The following ACAD10 variants were observed in gnomAD, a reference collection of about 807,000 sequenced individuals.
The protein encoded by ACAD10 is ACAD-10.
Under a neutral mutation model 116.8 loss-of-function variants are expected in ACAD10, and 112 were observed. The ratio of observed to expected loss-of-function variants is 0.96; its 90% CI spans 0.82 to 1.12. The LOEUF (loss-of-function observed/expected upper bound fraction) is 1.12. ACAD10 is among the 50% of genes most tolerant of loss of function. ACAD10 has a pLI of 0.00. For missense variants in ACAD10, 1,259 were observed against 1,350.2 expected (o/e 0.93, Z 1.06); for synonymous variants, 486 against 510.6 (o/e 0.95, Z 0.65).
intron 2 of ACAD10, among the ~76,000 whole-genome samples, chr12:111,700,498 T>C (rs914279375): frequency 6.6e-6 from 1 of 152,196 alleles, no homozygotes; most frequent in Non-Finnish European, 1.5e-5. Context: ...AATTGCTGTC[T>C]GCAGAGGTTG....
chr12:111,740,650 A>G (rs1282904702), intron 12 of ACAD10, among the ~76,000 whole-genome samples: 2 of 150,658 alleles, frequency 1.3e-5, no homozygotes, highest in East Asian at 3.9e-4. Flanking sequence ...CCCAGCTACT[A>G]GGTGTCTGTA....
At chr12:111,740,227 G>A (rs1242020796) in intron 12 of ACAD10, among the ~76,000 whole-genome samples, 1 of 152,188 alleles carries the variant, frequency 6.6e-6, no homozygotes, top group Non-Finnish European at 1.5e-5. Context: ...ACACTGGGAG[G>A]CCGAAGTAGG....
intron 7 of ACAD10, among the ~76,000 whole-genome samples, chr12:111,718,599 C>T (rs1888918962): frequency 6.6e-6 from 1 of 152,096 alleles, no homozygotes; most frequent in African/African-American, 2.4e-5. Context: ...CCTGTCTCAG[C>T]CTCCTGAGTA....
chr12:111,756,557 G>A lies in ACAD10; in HGVS notation c.*84G>A, dbSNP rs1384859400. The stretch of plus-strand genomic sequence containing the variant: ...ACTGATGTGCCTCGAAAGATCCGGT[G>A]TTTGTGGCTCCTGCACCCTGCTCAG... On this transcript the variant is annotated 3_prime_UTR_variant, in exon 21 of 21. Transcript: ENST00000313698. 1 of 1,561,052 alleles carries A rather than the reference G, an allele frequency of 6.4e-7. No individual in the cohort carries two copies. Among genetic ancestry groups the A allele is most frequent in the Admixed American group, 2.0e-5 (1 of 51,072 alleles).
rs1410898351 is a variant in ACAD10 at position 111,744,637 on chromosome 12, G to T, written c.1715-6G>T. On this transcript the variant is annotated splice_polypyrimidine_tract_variant and splice_region_variant and intron_variant, in intron 12 of 20. Transcript: ENST00000313698. ...GTAATCACTGTTTTTCTTTGATTCT[G>T]CTTAGGGCAAGCAAGCTCCACATAT... 1 of 1,608,592 alleles carries T rather than the reference G, an allele frequency of 6.2e-7. No individual in the cohort carries two copies. Among genetic ancestry groups the T allele is most frequent in the African/African-American group, 1.3e-5 (1 of 74,910 alleles).
intron 7 of ACAD10, 94 bp downstream of exon 7, chr12:111,716,056 C>G: frequency 6.6e-7 from 1 of 1,515,978 alleles, no homozygotes. Flanking sequence ...CATAAAAATA[C>G]CCCAAGACAT....
chr12:111,743,833 G>T (rs956688273), intron 12 of ACAD10, among the ~76,000 whole-genome samples: 2 of 151,994 alleles, frequency 1.3e-5, no homozygotes, highest in Non-Finnish European at 2.9e-5. Flanking sequence ...TGCAACCTCT[G>T]CCTCCCAGGT....
intron 6 of ACAD10, among the ~76,000 whole-genome samples, chr12:111,713,935 C>T (rs898191435): frequency 1.3e-5 from 2 of 150,072 alleles, no homozygotes; most frequent in South Asian, 2.1e-4. Context: ...TCCGTCCCCC[C>T]CCCAAAAAAA....
chr12:111,720,098 A>G (rs1289653084), intron 7 of ACAD10, among the ~76,000 whole-genome samples: 1 of 151,908 alleles, frequency 6.6e-6, no homozygotes, highest in Non-Finnish European at 1.5e-5. Context: ...TCCTGACCTC[A>G]GGTGATCCGC....
At chr12:111,700,773 T>A (rs1214250683) in intron 2 of ACAD10, among the ~76,000 whole-genome samples, 9 of 146,714 alleles carry the variant, frequency 6.1e-5, no homozygotes, top group African/African-American at 1.8e-4. Context: ...TTTTTTTTTT[T>A]AAGACATGGG....
chr12:111,702,483 C>A (rs1465757886), intron 3 of ACAD10, among the ~76,000 whole-genome samples, 173 bp downstream of exon 3: 1 of 152,170 alleles, frequency 6.6e-6, no homozygotes, highest in Non-Finnish European at 1.5e-5. Context: ...ATAATCCCAG[C>A]ACTTTGGGAG....
At position 111,692,807 on chromosome 12, in the gene ACAD10, G is replaced by T. The variant is rs148204415; in HGVS notation, c.98G>T (p.Arg33Leu). 2 of 1,614,092 alleles carry T rather than the reference G, an allele frequency of 1.2e-6. No homozygotes were observed. The highest frequency in any genetic ancestry group is 1.3e-5 in the African/African-American group (1 of 74,940). Reference sequence around the variant, plus strand: ...CAGCGCAGGCACCAGGGGTCCCACCGATGGACACACCTTGGAGGCAGCACC... The same window carrying T: ...CAGCGCAGGCACCAGGGGTCCCACCTATGGACACACCTTGGAGGCAGCACC... ...HTQRRHQGSH[R>L]WTHLGGSTYR... Residue 33 changes from arginine (R) to leucine (L), a missense_variant, in exon 2 of 21, where the codon CGA (arginine) becomes CTA (leucine). Physicochemically the swap from Arg to Leu is moderately radical, Grantham distance 102. Transcript: ENST00000313698.
At chr12:111,721,612 T>G (rs1247871020) in intron 7 of ACAD10, 59 bp from the exon 8 acceptor site, 1 of 1,437,466 alleles carries the variant, frequency 7.0e-7, no homozygotes, top group East Asian at 2.3e-5. Context: ...GAAAAGTAAC[T>G]TCAAGAAAAT....
At chr12:111,692,096 G>C (rs1250819647) in intron 1 of ACAD10, among the ~76,000 whole-genome samples, 1 of 152,176 alleles carries the variant, frequency 6.6e-6, no homozygotes, top group East Asian at 1.9e-4. Flanking sequence ...AGCCTCCTGA[G>C]TAGCTGGGAT....
intron 7 of ACAD10, among the ~76,000 whole-genome samples, chr12:111,721,236 G>C (rs866208295): frequency 1.3e-5 from 2 of 151,854 alleles, no homozygotes; most frequent in South Asian, 2.1e-4. Context: ...ATATTTTTTA[G>C]AATTTCATTT....
intron 17 of ACAD10, 118 bp from the exon 18 acceptor site, chr12:111,749,055 A>T (rs1479180072): frequency 1.2e-6 from 2 of 1,613,124 alleles, no homozygotes; most frequent in African/African-American, 2.7e-5. Context: ...TCCCAGTAAG[A>T]AGGCTAAATA....
chr12:111,734,677 A>C (rs985220738), intron 11 of ACAD10, among the ~76,000 whole-genome samples: 15 of 152,212 alleles, frequency 9.9e-5, no homozygotes, highest in Non-Finnish European at 2.1e-4. Context: ...GCCAACAGAT[A>C]GCAACAACAA....
intron 8 of ACAD10, among the ~76,000 whole-genome samples, chr12:111,724,365 C>T (rs1395098791): frequency 6.6e-6 from 1 of 151,964 alleles, no homozygotes; most frequent in Non-Finnish European, 1.5e-5. Context: ...AGACGATGGG[C>T]AGCCAGGCAG....
chr12:111,746,248 G>T lies in ACAD10; in HGVS notation c.2220G>T (p.Leu740=). 6.2e-7 allele frequency: 1 copy of T among 1,613,852 alleles called. No individual in the cohort carries two copies. Among genetic ancestry groups the T allele is most frequent in the Non-Finnish European group, 8.5e-7 (1 of 1,179,908 alleles). Residue 740 remains leucine, a synonymous_variant, in exon 14 of 21, where the codon CTG becomes CTT. Coordinates refer to ENST00000313698, the MANE Select transcript of ACAD10 (RefSeq NM_025247.6). ...AGLTNVEYAH[L]CELMGTSLYA... is the part of the protein sequence containing the mutation. ...TGACCAATGTGGAATATGCACATCT[G>T]TGTGAGCTCATGGGCACGTCCCTGT... is the stretch of plus-strand genomic sequence containing the variant.
Sources: allele counts gnomAD v4.1 joint callset (sites outside exome capture counted in the v4.1 genomes callset), GRCh38; gene constraint gnomAD v4.1.1; transcripts MANE v1.5; gene names NCBI Gene and HGNC (gene_info 2026-07-23, HGNC 2026-07-21).